Variants in WDR74 observed in about 807,000 individuals in gnomAD.
The protein encoded by WDR74 is WD repeat domain 74, also known as WD repeat-containing protein 74.
A neutral mutation model predicts 45.6 loss-of-function variants in WDR74; 31 were observed. That is an observed-to-expected ratio of 0.68 (90% CI 0.51 to 0.92). The LOEUF is 0.92. Among genes scored for constraint, WDR74 ranks in the 40% least tolerant of loss-of-function variants. The pLI is 0.00. For missense variants in WDR74, 455 were observed against 497.2 expected, an observed-to-expected ratio of 0.92 and a Z score of 0.81; for synonymous variants, 191 against 192.4, an observed-to-expected ratio of 0.99 and a Z score of 0.06.
chr11:62,839,633 C>G, upstream of WDR74: 2 of 1,544,506 alleles, frequency 1.3e-6, no homozygotes, highest in South Asian at 1.2e-5. Flanking sequence ...CAGCGGGCGT[C>G]GAGTCCGATG....
intron 3 of WDR74, 98 bp from the exon 4 acceptor site, chr11:62,836,134 G>GA (rs370790176): frequency 5.8e-3 from 6,466 of 1,106,424 alleles, no homozygotes; most frequent in Non-Finnish European, 6.8e-3. Flanking sequence ...AATGTTTAAA[G>GA]AAAAAAAAAA....
chr11:62,835,705 C>A lies in WDR74; in HGVS notation c.506G>T (p.Arg169Met). 3 of 1,613,980 alleles carry A rather than the reference C, an allele frequency of 1.9e-6. No individual in the cohort carries two copies. The highest frequency in any genetic ancestry group is 2.5e-6 in the Non-Finnish European group (3 of 1,179,882). Residue 169 changes from arginine to methionine, a missense_variant, in exon 5 of 11, where the codon AGG becomes ATG. By Grantham distance (91) the Arg-to-Met change is moderately conservative (BLOSUM62 -1). Transcript: ENST00000278856. ...DLQGSEEPVFRAKNVRNDWLD... is the reference protein window; with the variant it reads ...DLQGSEEPVFMAKNVRNDWLD... The stretch of plus-strand genomic sequence containing the variant: ...ACTCTTGTCACTCACGTTCTTGGCC[C>A]TGAACACAGGTTCCTCAGAGCCCTG...
chr11:62,841,802 G>A (rs2085067770), upstream of WDR74: 1 of 152,348 alleles, frequency 6.6e-6, no homozygotes, highest in African/African-American at 2.4e-5. Context: ...AAAAGGCCGA[G>A]AAGCGATACC....
upstream of WDR74, among the ~76,000 whole-genome samples, chr11:62,841,356 CG>C (rs1016249363): frequency 7.9e-5 from 12 of 152,130 alleles, no homozygotes; most frequent in African/African-American, 2.4e-4. Flanking sequence ...AAACATTAGC[CG>C]GGGGTGGTGG....
intron 6 of WDR74, 116 bp downstream of exon 6, chr11:62,835,315 C>G: frequency 1.1e-6 from 1 of 899,144 alleles, no homozygotes; most frequent in Non-Finnish European, 1.7e-6. Flanking sequence ...GACGGGGAAG[C>G]GCTTGCTCCT....
chr11:62,834,233 T>C, intron 8 of WDR74, 43 bp downstream of exon 8: 2 of 1,613,462 alleles, frequency 1.2e-6, no homozygotes, highest in South Asian at 1.1e-5. Context: ...CTGACCCTTC[T>C]CCCTGCTCCT....
intron 6 of WDR74, chr11:62,834,873 G>C (rs3794045): frequency 0.066 from 20,558 of 310,068 alleles, 822 homozygotes; most frequent in East Asian, 0.14. Flanking sequence ...GAATGAAGGA[G>C]GAAAGAGGAT....
intron 6 of WDR74, chr11:62,835,068 G>A (rs2084938556): frequency 8.2e-6 from 2 of 242,924 alleles, no homozygotes; most frequent in Non-Finnish European, 1.6e-5. Flanking sequence ...GGCCAGAGAT[G>A]GGAGGCTCAG....
At chr11:62,833,213 C>T in intron 10 of WDR74, 82 bp from the exon 11 acceptor site, 2 of 1,428,438 alleles carry the variant, frequency 1.4e-6, no homozygotes, top group South Asian at 1.2e-5. Context: ...TTTGGGAGAC[C>T]AAGGCAGGAG....
upstream of WDR74, chr11:62,840,272 G>T (rs1167305442): frequency 6.6e-6 from 1 of 152,354 alleles, no homozygotes; most frequent in African/African-American, 2.4e-5. Context: ...GAGGTCAGGA[G>T]ATCGAGACCA....
chr11:62,838,988 C>A, intron 3 of WDR74, 126 bp downstream of exon 3: 1 of 1,377,060 alleles, frequency 7.3e-7, no homozygotes, highest in Middle Eastern at 2.6e-4. Flanking sequence ...AGGCAGAAAC[C>A]CAGGTCCCTG....
Position 62,839,371 on chromosome 11 carries a change from C to G in WDR74, c.122G>C (p.Arg41Pro). 6.2e-7 allele frequency: 1 copy of G among 1,612,324 alleles called. No individual in the cohort carries two copies. The highest frequency in any genetic ancestry group is 8.5e-7 in the Non-Finnish European group (1 of 1,179,790). Reference protein sequence around the residue: ...ANFTAGGQPRREEAVSALCWG... With the variant: ...ANFTAGGQPRPEEAVSALCWG... ...ACACAGGGCGCTCACTGCCTCCTCG[C>G]GCCGCGGCTGTCCTCCGGCCGTGAA... The change falls in exon 2 of 11, where the codon CGC (arginine) becomes CCC (proline). Residue 41 changes from arginine to proline, a missense_variant. Transcript: ENST00000278856.
upstream of WDR74, chr11:62,841,730 T>TA (rs1301001193): frequency 3.9e-5 from 6 of 152,210 alleles, no homozygotes; most frequent in Non-Finnish European, 8.8e-5. Flanking sequence ...TATATTGTCC[T>TA]CGGATAGAGG....
chr11:62,837,954 T>G (rs1013297812), intron 3 of WDR74, among the ~76,000 whole-genome samples: 2 of 151,926 alleles, frequency 1.3e-5, no homozygotes, highest in Non-Finnish European at 2.9e-5. Context: ...ACTTAAAAAT[T>G]TAGCTGGGCA....
chr11:62,841,406 T>C (rs978945019), upstream of WDR74, among the ~76,000 whole-genome samples: 10 of 151,398 alleles, frequency 6.6e-5, no homozygotes, highest in African/African-American at 1.7e-4. Context: ...GAGGCTGAAG[T>C]ATGAAGATTG....
At chr11:62,839,628 G>C, upstream of WDR74, 1 of 1,550,764 alleles carries the variant, frequency 6.4e-7, no homozygotes, top group South Asian at 1.2e-5. Context: ...GTCACCAGCG[G>C]GCGTCGAGTC....
downstream of WDR74, chr11:62,832,908 T>C: frequency 6.5e-7 from 1 of 1,541,286 alleles, no homozygotes; most frequent in Non-Finnish European, 8.7e-7. Context: ...CTCAGGGTCA[T>C]GGTGGGTGTT....
intron 3 of WDR74, chr11:62,836,338 A>T: frequency 2.8e-6 from 1 of 355,320 alleles, no homozygotes. Flanking sequence ...TGAGAAACTA[A>T]TTTGCCACTC....
chr11:62,840,945 G>A (rs2085035661), upstream of WDR74, among the ~76,000 whole-genome samples: 1 of 152,192 alleles, frequency 6.6e-6, no homozygotes, highest in South Asian at 2.1e-4. Context: ...ACCACTTTGG[G>A]AGGCCGAGGC....
Sources: allele counts gnomAD v4.1 joint callset (sites outside exome capture counted in the v4.1 genomes callset), GRCh38; gene constraint gnomAD v4.1.1; transcripts MANE v1.5; gene names NCBI Gene and HGNC (gene_info 2026-07-23, HGNC 2026-07-21).